PDE9A: variants seen among roughly 807,000 people sequenced by gnomAD.
PDE9A encodes the protein phosphodiesterase 9A.
A neutral mutation model predicts 87.4 loss-of-function variants in PDE9A; 60 were observed. That is an observed-to-expected ratio of 0.69 (90% CI 0.56 to 0.85). The LOEUF (loss-of-function observed/expected upper bound fraction) is 0.85, where lower values mean the gene tolerates loss of function less well. Ranked by LOEUF, PDE9A falls within the 40% of genes least tolerant of loss-of-function variation. The probability of loss-of-function intolerance (pLI) is 0.00; values close to 1 mark genes in which losing one functional copy is unlikely to be tolerated. For missense variants in PDE9A, 665 were observed against 779.0 expected, an observed-to-expected ratio of 0.85 and a Z score of 1.74; for synonymous variants, 272 against 279.4, an observed-to-expected ratio of 0.97 and a Z score of 0.27.
At chr21:42,719,069 C>T (rs2050225481) in intron 4 of PDE9A, among the ~76,000 whole-genome samples, 2 of 151,772 alleles carry the variant, frequency 1.3e-5, no homozygotes, top group Non-Finnish European at 2.9e-5. Context: ...TACATTTAAA[C>T]TCCAAACTTT....
In PDE9A at chr21:42,768,992, G is replaced by A. The variant is rs117509171; in HGVS notation, c.1462-35G>A. 523 of 1,584,734 alleles carry A rather than the reference G, an allele frequency of 3.3e-4. 2 individuals carry two copies. The East Asian group carries it at 9.6e-3, about 29-fold the overall frequency. On this transcript the variant is annotated intron_variant, in intron 16 of 19. Coordinates refer to ENST00000291539, the MANE Select transcript of PDE9A (RefSeq NM_002606.3). ...AGCGATCTGGTTATGGGGCATTTCTGTCTCTAATGTCACTGTCTGCTGCAT... is the reference window on the plus strand; with the variant it reads ...AGCGATCTGGTTATGGGGCATTTCTATCTCTAATGTCACTGTCTGCTGCAT...
At chr21:42,768,830 C>G (rs913858052) in intron 16 of PDE9A, 197 bp from the exon 17 acceptor site, 10 of 985,328 alleles carry the variant, frequency 1.0e-5, no homozygotes, top group Non-Finnish European at 1.1e-5. Flanking sequence ...GGTCGGTCTT[C>G]CCAGCTAGAC....
intron 1 of PDE9A, among the ~76,000 whole-genome samples, chr21:42,670,228 C>CACA (rs76270638): frequency 0.039 from 5,886 of 150,610 alleles, 152 homozygotes; most frequent in African/African-American, 0.062. Context: ...CACACATACA[C>CACA]TTACATTCAC....
intron 4 of PDE9A, among the ~76,000 whole-genome samples, chr21:42,708,894 T>A (rs924733266): frequency 6.6e-6 from 1 of 152,134 alleles, no homozygotes; most frequent in Non-Finnish European, 1.5e-5. Context: ...ATGTGTTAGA[T>A]CTTTCAGGAA....
rs2058798251 is a variant in PDE9A, at chr21:42,675,451, G to C, written c.70-10741G>C. Reference sequence around the variant, plus strand: ...ATTAGATCGTCCGTGGAAAGCACCAGAATGGTGCCTGGCACTTAATAAATG... The same window carrying C: ...ATTAGATCGTCCGTGGAAAGCACCACAATGGTGCCTGGCACTTAATAAATG... On this transcript the variant is annotated intron_variant, in intron 1 of 19. Transcript: ENST00000291539. The surrounding 1 kb of genome is among the most constrained non-coding windows in gnomAD (Gnocchi z 4.3). Among the ~76,000 whole-genome samples the C allele has an allele frequency of 6.6e-6, 1 of 152,226 alleles. No individual in the cohort carries two copies. The highest frequency in any genetic ancestry group is 2.1e-4 in the South Asian group (1 of 4,830).
intron 1 of PDE9A, among the ~76,000 whole-genome samples, chr21:42,671,017 G>C (rs954455427): frequency 3.3e-5 from 5 of 152,062 alleles, no homozygotes; most frequent in African/African-American, 1.2e-4. Context: ...ATGTGAGACT[G>C]TTGTTAATTT....
intron 4 of PDE9A, among the ~76,000 whole-genome samples, chr21:42,716,077 G>T (rs562037007): frequency 6.6e-6 from 1 of 151,908 alleles, no homozygotes; most frequent in Admixed American, 6.6e-5. Context: ...CGGCATCTTA[G>T]CATTGAAGCA....
At chr21:42,703,095 G>A (rs2048507254) in intron 4 of PDE9A, among the ~76,000 whole-genome samples, 1 of 152,238 alleles carries the variant, frequency 6.6e-6, no homozygotes, top group South Asian at 2.1e-4. Flanking sequence ...GGTTCTAAAG[G>A]AAGAGACAAG....
chr21:42,772,843 A>G (rs1327818669), intron 19 of PDE9A, among the ~76,000 whole-genome samples: 2 of 151,510 alleles, frequency 1.3e-5, no homozygotes, highest in African/African-American at 4.8e-5. Context: ...CATGTTGGCC[A>G]GGCTGGTCTT....
At chr21:42,753,864 A>C (rs1009964704) in intron 9 of PDE9A, 126 bp from the exon 10 acceptor site, 7 of 288,354 alleles carry the variant, frequency 2.4e-5, no homozygotes, top group Non-Finnish European at 1.3e-5. Context: ...TCTATCTCAA[A>C]AAAAAAAAAA....
At chr21:42,715,199 T>TC (rs1025903178) in intron 4 of PDE9A, among the ~76,000 whole-genome samples, 2 of 150,818 alleles carry the variant, frequency 1.3e-5, no homozygotes, top group African/African-American at 4.9e-5. Context: ...TTTTTTTTTT[T>TC]TTTTTTTTTA....
In PDE9A at chr21:42,775,425, T is replaced by TAA; in HGVS notation, c.*133_*134insAA. On this transcript the variant is annotated 3_prime_UTR_variant, in exon 20 of 20. Coordinates refer to ENST00000291539, the MANE Select transcript of PDE9A (RefSeq NM_002606.3). ...TTCTAAGAACCATTTTGTTCACTGATACAAAAAAAAAAAAAGGAATTCATG... is the reference window on the plus strand; with the variant it reads ...TTCTAAGAACCATTTTGTTCACTGATAAACAAAAAAAAAAAAAGGAATTCATG... 7.3e-6 allele frequency: 4 copies of TAA among 549,634 alleles called. No individual in the cohort carries two copies. Among genetic ancestry groups the TAA allele is most frequent in the South Asian group, 3.7e-5 (1 of 26,688 alleles). 34.0% of individuals were successfully genotyped at this position (549,634 alleles called of 1,614,324 possible).
At chr21:42,772,685 G>A (rs1238279065) in intron 19 of PDE9A, among the ~76,000 whole-genome samples, 165 bp downstream of exon 19, 2 of 151,778 alleles carry the variant, frequency 1.3e-5, no homozygotes, top group African/African-American at 2.4e-5. Context: ...CCAGGTTGGA[G>A]TGCGATGGCA....
rs186285758 is a variant in PDE9A at position 42,712,064 on chromosome 21, A to G, written c.262+13053A>G. Among the ~76,000 whole-genome samples, 371 of 140,574 alleles carry G rather than the reference A, an allele frequency of 2.6e-3. 4 individuals are homozygous for G. The highest frequency in any genetic ancestry group is 7.3e-4 in the Non-Finnish European group (48 of 65,466). The allele number at this position is 140,574 out of a possible 152,430, so 92.2% of individuals were successfully genotyped here. Reference sequence around the variant, plus strand: ...TACAAATTTTAGGATCAACTTGTCAATTTCAAAAAAAAAAGCCATCTATGA... The same window carrying G: ...TACAAATTTTAGGATCAACTTGTCAGTTTCAAAAAAAAAAGCCATCTATGA... On this transcript the variant is annotated intron_variant, in intron 4 of 19. Coordinates refer to ENST00000291539, the MANE Select transcript of PDE9A (RefSeq NM_002606.3).
intron 1 of PDE9A, among the ~76,000 whole-genome samples, chr21:42,662,230 C>T (rs1475305149): frequency 1.3e-5 from 2 of 152,050 alleles, no homozygotes; most frequent in African/African-American, 2.4e-5. Context: ...GGCGCCACCC[C>T]CCCAGGTTGT....
chr21:42,712,164 G>A (rs953371270), intron 4 of PDE9A, among the ~76,000 whole-genome samples: 2 of 151,986 alleles, frequency 1.3e-5, no homozygotes, highest in African/African-American at 4.8e-5. Context: ...TCCAACCCAT[G>A]AACATGATAC....
At chr21:42,743,633 C>A in intron 7 of PDE9A, 143 bp from the exon 8 acceptor site, 1 of 609,954 alleles carries the variant, frequency 1.6e-6, no homozygotes, top group Non-Finnish European at 3.0e-6. Flanking sequence ...ACCTGAGTAT[C>A]GGCAGCCAGG....
intron 4 of PDE9A, among the ~76,000 whole-genome samples, chr21:42,729,016 A>T (rs1215206838): frequency 6.6e-6 from 1 of 151,774 alleles, no homozygotes; most frequent in Non-Finnish European, 1.5e-5. Context: ...AAAAAAAAAA[A>T]AGAATGGTAG....
At chr21:42,744,582 G>A (rs1293028084) in intron 8 of PDE9A, among the ~76,000 whole-genome samples, 1 of 152,202 alleles carries the variant, frequency 6.6e-6, no homozygotes, top group African/African-American at 2.4e-5. Context: ...TTGCATTCCA[G>A]CGAGGGCTTC....
Sources: allele counts gnomAD v4.1 joint callset (sites outside exome capture counted in the v4.1 genomes callset), GRCh38; gene constraint gnomAD v4.1.1; non-coding constraint Gnocchi (gnomAD v3.1); transcripts MANE v1.5; gene names NCBI Gene and HGNC (gene_info 2026-07-23, HGNC 2026-07-21).